Variants in UBTD1 observed in about 807,000 individuals in gnomAD.
UBTD1 encodes the protein ubiquitin domain containing 1.
UBTD1 carries 19 observed loss-of-function variants against 21.7 expected under a neutral mutation model. The ratio of observed to expected loss-of-function variants is 0.87; its 90% CI spans 0.61 to 1.28. The LOEUF is 1.28. UBTD1 is among the 50% of genes most tolerant of loss of function. The pLI is 0.00. For missense variants in UBTD1, 282 were observed against 315.1 expected, an observed-to-expected ratio of 0.89 and a Z score of 0.80; for synonymous variants, 116 against 135.1, an observed-to-expected ratio of 0.86 and a Z score of 0.98.
At chr10:97,520,700 G>A (rs1411223165) in intron 1 of UBTD1, among the ~76,000 whole-genome samples, 3 of 152,116 alleles carry the variant, frequency 2.0e-5, no homozygotes, top group Non-Finnish European at 4.4e-5. Flanking sequence ...CTGCCTGCTG[G>A]TCCATGTACC....
intron 1 of UBTD1, among the ~76,000 whole-genome samples, chr10:97,567,573 C>T (rs1460815768): frequency 6.6e-6 from 1 of 151,800 alleles, no homozygotes; most frequent in Non-Finnish European, 1.5e-5. Context: ...GCAGGAGAGT[C>T]GCTTGAACCC....
intron 2 of UBTD1, among the ~76,000 whole-genome samples, chr10:97,569,423 G>C (rs2040734014): frequency 6.6e-6 from 1 of 152,198 alleles, no homozygotes; most frequent in Non-Finnish European, 1.5e-5. Context: ...ATGTGAAGAA[G>C]TGAAAAATAA....
chr10:97,559,206 T>A (rs576971788), intron 1 of UBTD1, among the ~76,000 whole-genome samples: 1 of 152,326 alleles, frequency 6.6e-6, no homozygotes, highest in South Asian at 2.1e-4. Context: ...CAGAGAGAGC[T>A]TGGCATGACT....
intron 1 of UBTD1, among the ~76,000 whole-genome samples, chr10:97,551,959 A>G (rs2040639418): frequency 6.6e-6 from 1 of 151,914 alleles, no homozygotes; most frequent in South Asian, 2.1e-4. Flanking sequence ...CCCAGTCTGG[A>G]GTATAGTGGC....
At chr10:97,509,201 C>A (rs559586523) in intron 1 of UBTD1, among the ~76,000 whole-genome samples, 1 of 152,132 alleles carries the variant, frequency 6.6e-6, no homozygotes. Flanking sequence ...TCATTTTTCC[C>A]GTTTTATAGG....
At chr10:97,540,873 A>G (rs1429634597) in intron 1 of UBTD1, among the ~76,000 whole-genome samples, 1 of 152,116 alleles carries the variant, frequency 6.6e-6, no homozygotes, top group Admixed American at 6.5e-5. Context: ...TGTGGGTTAG[A>G]CCCCAGCCAG....
chr10:97,525,669 T>C (rs2040485362), intron 1 of UBTD1, among the ~76,000 whole-genome samples: 1 of 152,162 alleles, frequency 6.6e-6, no homozygotes, highest in Admixed American at 6.5e-5. Context: ...TCCCCCATTC[T>C]CAATTCTAAT....
intron 1 of UBTD1, among the ~76,000 whole-genome samples, chr10:97,530,939 G>C (rs942341976): frequency 1.1e-4 from 17 of 152,012 alleles, no homozygotes; most frequent in African/African-American, 4.1e-4. Flanking sequence ...CCAGGCTGGA[G>C]TGCAGTGGCG....
intron 1 of UBTD1, among the ~76,000 whole-genome samples, chr10:97,507,774 CAAAAAAAAAAAAA>C (rs61128714): frequency 5.0e-5 from 3 of 59,542 alleles, no homozygotes; most frequent in South Asian, 6.4e-4. Context: ...GACTCCGTCT[CAAAAAAAAAAAAA>C]AAAAAAAAAA....
chr10:97,554,437 G>T (rs923039325), intron 1 of UBTD1, among the ~76,000 whole-genome samples: 2 of 151,872 alleles, frequency 1.3e-5, no homozygotes, highest in African/African-American at 4.8e-5. Context: ...AGTAGATATG[G>T]TGTTTTTCCA....
rs1589867130 is a variant in UBTD1 at position 97,507,915 on chromosome 10, C to CT, written c.70+8642_70+8643insT. Among the ~76,000 whole-genome samples, 3 of 151,844 alleles carry CT rather than the reference C, an allele frequency of 2.0e-5. No homozygotes were observed. In the East Asian group the frequency reaches 5.8e-4, roughly 29 times the overall value. On this transcript the variant is annotated intron_variant, in intron 1 of 2. Transcript: ENST00000370664. ...TGTTTTTCCTCTGGAAGTCTTGGGA[C>CT]AAGGAGCAAAGGGTGAATGGTGCCT... is the stretch of plus-strand genomic sequence containing the variant.
At chr10:97,544,470 G>C (rs573374971) in intron 1 of UBTD1, among the ~76,000 whole-genome samples, 7 of 152,206 alleles carry the variant, frequency 4.6e-5, no homozygotes, top group East Asian at 1.9e-4. Flanking sequence ...TGACAAAAGC[G>C]ACTGCAGTTG....
At position 97,500,326 on chromosome 10, in the gene UBTD1, G is replaced by T. The variant is rs564193564; in HGVS notation, c.70+1053G>T. ...TTTCCTGTCTCCCTTGACACCGAAG[G>T]TGTGTTGCTTGGGTTGCGGAAACTG... On this transcript the variant is annotated intron_variant, in intron 1 of 2. Coordinates refer to ENST00000370664, the MANE Select transcript of UBTD1 (RefSeq NM_024954.5). Among the ~76,000 whole-genome samples the T allele has an allele frequency of 3.9e-3, 590 of 152,346 alleles. 3 individuals are homozygous for T. The highest frequency in any genetic ancestry group is 4.0e-3 in the Non-Finnish European group (269 of 68,028).
At chr10:97,544,342 C>T (rs2135676667) in intron 1 of UBTD1, among the ~76,000 whole-genome samples, 1 of 151,332 alleles carries the variant, frequency 6.6e-6, no homozygotes, top group East Asian at 1.9e-4. Flanking sequence ...TGGAGATCTT[C>T]AGCCTGGAGA....
chr10:97,555,454 A>G lies in UBTD1; in HGVS notation c.71-12460A>G, dbSNP rs535322344. ...GGGGATTGGAGTTCATGTTTCCATCATAGTCCCAGTGTAGCAGGACGAGCC... is the reference window on the plus strand; with the variant it reads ...GGGGATTGGAGTTCATGTTTCCATCGTAGTCCCAGTGTAGCAGGACGAGCC... On this transcript the variant is annotated intron_variant, in intron 1 of 2. Transcript: ENST00000370664. Among the ~76,000 whole-genome samples the G allele has an allele frequency of 2.6e-5, 4 of 152,214 alleles. No individual in the cohort carries two copies. In the South Asian group the frequency reaches 6.2e-4, roughly 24 times the overall value.
chr10:97,537,457 C>T (rs1467129675), intron 1 of UBTD1, among the ~76,000 whole-genome samples: 1 of 152,232 alleles, frequency 6.6e-6, no homozygotes, highest in Non-Finnish European at 1.5e-5. Flanking sequence ...TGTGCTCTTG[C>T]ACCTGGATTC....
At chr10:97,519,608 G>A (rs2040458673) in intron 1 of UBTD1, among the ~76,000 whole-genome samples, 1 of 152,232 alleles carries the variant, frequency 6.6e-6, no homozygotes, top group South Asian at 2.1e-4. Context: ...ATTGGGGCAA[G>A]TGTGAAATTT....
chr10:97,535,981 A>ATTATTATTGTTATTATTG (rs147880731), intron 1 of UBTD1, among the ~76,000 whole-genome samples: 1 of 147,066 alleles, frequency 6.8e-6, no homozygotes, highest in Non-Finnish European at 1.5e-5. Flanking sequence ...TATTATTATT[A>ATTATTATTGTTATTATTG]TTATTATTAT....
At position 97,499,224 on chromosome 10, in the gene UBTD1, A is replaced by G; in HGVS notation, c.21A>G (p.Arg7=). The G allele has an allele frequency of 6.5e-7, 1 of 1,547,928 alleles. No individual in the cohort carries two copies. Among genetic ancestry groups the G allele is most frequent in the Non-Finnish European group, 8.7e-7 (1 of 1,145,680 alleles). ...CCAGCATGGGCAACTGCGTGGGGAG[A>G]CAGCGCCGGGAGAGGCCGGCAGCCC... MGNCVG[R]QRRERPAAPG... Residue 7 remains arginine, a synonymous_variant, in exon 1 of 3, where the codon AGA becomes AGG. Transcript: ENST00000370664.
Sources: allele counts gnomAD v4.1 joint callset (sites outside exome capture counted in the v4.1 genomes callset), GRCh38; gene constraint gnomAD v4.1.1; transcripts MANE v1.5; gene names NCBI Gene and HGNC (gene_info 2026-07-23, HGNC 2026-07-21).